KCNA2: variants seen among roughly 807,000 people sequenced by gnomAD.
KCNA2 encodes the protein potassium channel, voltage gated shaker related subfamily A, member 2.
A neutral mutation model predicts 33.4 loss-of-function variants in KCNA2; 11 were observed. That is an observed-to-expected ratio of 0.33 (90% confidence interval 0.21 to 0.55). The LOEUF (loss-of-function observed/expected upper bound fraction) is 0.55, where lower values mean the gene tolerates loss of function less well. Ranked by LOEUF, KCNA2 falls within the 20% of genes least tolerant of loss-of-function variation. The pLI is 0.93. For synonymous variants in KCNA2, 222 were observed against 231.3 expected (o/e 0.96, Z 0.37); for missense variants, 291 against 621.6 (o/e 0.47, Z 5.66).
rs1237410830 is a variant in KCNA2, at chr1:110,596,736, C to G, written c.*6547G>C. The G allele has an allele frequency of 1.0e-6, 1 of 985,302 alleles. No individual in the cohort carries two copies. The highest frequency in any genetic ancestry group is 6.1e-5 in the Admixed American group (1 of 16,272). The allele number at this position is 985,302 out of a possible 1,614,324, so 61.0% of individuals were successfully genotyped here. On this transcript the variant is annotated 3_prime_UTR_variant, in exon 3 of 3. Coordinates refer to ENST00000316361, the MANE Select transcript of KCNA2 (RefSeq NM_004974.4). ...ACAAAGGTTGAACCAGACATGCTTTCCCATTCCCACTCAAATAACCAAAAT... is the reference window on the plus strand; with the variant it reads ...ACAAAGGTTGAACCAGACATGCTTTGCCATTCCCACTCAAATAACCAAAAT...
Position 110,602,227 on chromosome 1 carries a change from CA to C in KCNA2, c.*1055del. The stretch of plus-strand genomic sequence containing the variant: ...GGGGCCAGAAGTTTTAGTTCCATTC[CA>C]AATAGTCTATTTTTTTTCCCCTGAT... On this transcript the variant is annotated 3_prime_UTR_variant, in exon 3 of 3. Coordinates refer to ENST00000316361, the MANE Select transcript of KCNA2 (RefSeq NM_004974.4). The C allele has an allele frequency of 6.5e-7, 1 of 1,541,442 alleles. No individual in the cohort carries two copies. The highest frequency in any genetic ancestry group is 1.2e-5 in the South Asian group (1 of 83,216).
chr1:110,608,993 G>A (rs1283551352), upstream of KCNA2, among the ~76,000 whole-genome samples: 1 of 152,138 alleles, frequency 6.6e-6, no homozygotes, highest in East Asian at 1.9e-4. Flanking sequence ...CCAATCACCA[G>A]GTCCTTGTTG....
chr1:110,610,670 G>A (rs1430958121), upstream of KCNA2, among the ~76,000 whole-genome samples: 1 of 152,188 alleles, frequency 6.6e-6, no homozygotes, highest in Non-Finnish European at 1.5e-5. Context: ...TTTACTGTTA[G>A]CTCAGTGCCA....
chr1:110,595,027 G>A lies in KCNA2; in HGVS notation c.*8256C>T, dbSNP rs915386513. 1 of 985,230 alleles carries A rather than the reference G, an allele frequency of 1.0e-6. No homozygotes were observed. The highest frequency in any genetic ancestry group is 1.2e-6 in the Non-Finnish European group (1 of 829,924). 61.0% of individuals were successfully genotyped at this position (985,230 alleles called of 1,614,324 possible). A position where few individuals can be genotyped will look rare whatever the true frequency, so the allele number is the denominator to read the frequency against. On this transcript the variant is annotated 3_prime_UTR_variant, in exon 3 of 3. Transcript: ENST00000316361. ...CACTCATACAAACAAGGCATTCGGTGTCTAGGGAATCATTTTCAAGGAGAA... is the reference window on the plus strand; with the variant it reads ...CACTCATACAAACAAGGCATTCGGTATCTAGGGAATCATTTTCAAGGAGAA...
At chr1:110,612,732 C>T (rs1337183897) in intron 1 of KCNA2, among the ~76,000 whole-genome samples, 1 of 152,230 alleles carries the variant, frequency 6.6e-6, no homozygotes, top group Non-Finnish European at 1.5e-5. Context: ...TTGCTAGGAT[C>T]AACCTGCATT....
chr1:110,607,028 C>T (rs142087456), upstream of KCNA2, among the ~76,000 whole-genome samples: 2 of 152,124 alleles, frequency 1.3e-5, no homozygotes, highest in South Asian at 2.1e-4. Flanking sequence ...GTCCCGAGCC[C>T]ATTCTGTGCA....
At position 110,601,385 on chromosome 1, in the gene KCNA2, G is replaced by T. The variant is rs12047887; in HGVS notation, c.*1898C>A. 1 of 985,078 alleles carries T rather than the reference G, an allele frequency of 1.0e-6. No individual in the cohort carries two copies. Among genetic ancestry groups the T allele is most frequent in the Admixed American group, 6.1e-5 (1 of 16,268 alleles). The allele number at this position is 985,078 out of a possible 1,614,324, so 61.0% of individuals were successfully genotyped here. On this transcript the variant is annotated 3_prime_UTR_variant, in exon 3 of 3. Coordinates refer to ENST00000316361, the MANE Select transcript of KCNA2 (RefSeq NM_004974.4). ...AGGGGATCCATTCTGGCTCTTTAGC[G>T]AAAGGTTTGTGAAAGTGACGGATGC... is the stretch of plus-strand genomic sequence containing the variant.
chr1:110,599,056 T>C lies in KCNA2; in HGVS notation c.*4227A>G, dbSNP rs942282687. The C allele has an allele frequency of 2.0e-6, 2 of 985,394 alleles. No individual in the cohort carries two copies. Among genetic ancestry groups the C allele is most frequent in the Non-Finnish European group, 1.2e-6 (1 of 829,910 alleles). The allele number at this position is 985,394 out of a possible 1,614,324, so 61.0% of individuals were successfully genotyped here. On this transcript the variant is annotated 3_prime_UTR_variant, in exon 3 of 3. Transcript: ENST00000316361. ...AAAGCACACGTTTTGGACCCATATG[T>C]CCACTCCCTACTGTTGTTACCTTTT...
rs1185193860 is a variant in KCNA2, at chr1:110,594,236, G to C, written c.*9047C>G. 9.3e-7 allele frequency: 1 copy of C among 1,079,236 alleles called. No homozygotes were observed. The highest frequency in any genetic ancestry group is 1.1e-6 in the Non-Finnish European group (1 of 890,540). 66.9% of individuals were successfully genotyped at this position (1,079,236 alleles called of 1,614,324 possible). ...AGGAAGCCAGTGCAAACCCTAACTG[G>C]AGTCTGTGCTGCATGAGCCTAAGTG... On this transcript the variant is annotated 3_prime_UTR_variant, in exon 3 of 3. Coordinates refer to ENST00000316361, the MANE Select transcript of KCNA2 (RefSeq NM_004974.4).
At chr1:110,612,417 C>T (rs1649905229) in intron 1 of KCNA2, among the ~76,000 whole-genome samples, 1 of 152,204 alleles carries the variant, frequency 6.6e-6, no homozygotes. Flanking sequence ...ACAACATTCA[C>T]CCAGTTGCCC....
At chr1:110,630,191 AT>A (rs377079591) in intron 1 of KCNA2, among the ~76,000 whole-genome samples, 139 of 150,338 alleles carry the variant, frequency 9.2e-4, no homozygotes, top group African/African-American at 3.4e-3. Context: ...AATTTTTGTA[AT>A]TTTTTTTTAG....
Position 110,600,082 on chromosome 1 carries a change from G to A in KCNA2, c.*3201C>T. 1 of 985,066 alleles carries A rather than the reference G, an allele frequency of 1.0e-6. No homozygotes were observed. 61.0% of individuals were successfully genotyped at this position (985,066 alleles called of 1,614,324 possible). ...GAATAGAGAAAGAGATTCCTTGAAA[G>A]ATCCTGGGGGATATAGACACAGGCC... On this transcript the variant is annotated 3_prime_UTR_variant, in exon 3 of 3. Transcript: ENST00000316361.
intron 1 of KCNA2, among the ~76,000 whole-genome samples, chr1:110,616,551 GA>G (rs1459125736): frequency 6.6e-6 from 1 of 152,126 alleles, no homozygotes; most frequent in East Asian, 1.9e-4. Flanking sequence ...GGTTCCTAAG[GA>G]AAAAACAACA....
At position 110,593,817 on chromosome 1, in the gene KCNA2, C is replaced by T. The variant is rs1648968781; in HGVS notation, c.*9466G>A. The T allele has an allele frequency of 3.9e-6, 6 of 1,535,836 alleles. No homozygotes were observed. Among genetic ancestry groups the T allele is most frequent in the Non-Finnish European group, 5.3e-6 (6 of 1,137,032 alleles). On this transcript the variant is annotated 3_prime_UTR_variant, in exon 3 of 3. Transcript: ENST00000316361. ...CAGACCCTACTGACACAGGAACTCT[C>T]AGCTGCAGAAGTCCTGGGTGGGGCA...
chr1:110,625,166 C>T (rs193241616), intron 1 of KCNA2, among the ~76,000 whole-genome samples: 1 of 152,320 alleles, frequency 6.6e-6, no homozygotes, highest in East Asian at 1.9e-4. Flanking sequence ...GTCAGCTTCC[C>T]CTTCAATCTT....
At chr1:110,617,507 C>T (rs571501371) in intron 1 of KCNA2, among the ~76,000 whole-genome samples, 5 of 152,142 alleles carry the variant, frequency 3.3e-5, no homozygotes, top group Non-Finnish European at 5.9e-5. Flanking sequence ...AGAAAGATAA[C>T]TTGGGAAATG....
intron 1 of KCNA2, among the ~76,000 whole-genome samples, chr1:110,621,469 C>T (rs1650256895): frequency 6.6e-6 from 1 of 151,804 alleles, no homozygotes; most frequent in East Asian, 1.9e-4. Context: ...GCAAGTGAAA[C>T]CCAAAATGAG....
chr1:110,620,085 A>AGAGAGAGAGAGAGAGT (rs1557739421), intron 1 of KCNA2, among the ~76,000 whole-genome samples: 1 of 140,958 alleles, frequency 7.1e-6, no homozygotes, highest in East Asian at 2.1e-4. Flanking sequence ...AGAGAGAGAG[A>AGAGAGAGAGAGAGAGT]GAGTGAGTGA....
chr1:110,618,446 G>A (rs911229628), intron 1 of KCNA2, among the ~76,000 whole-genome samples: 16 of 152,150 alleles, frequency 1.1e-4, no homozygotes, highest in African/African-American at 3.9e-4. Flanking sequence ...GTGTGGCCCT[G>A]GAATGTGGCT....
Sources: gnomAD v4.1 joint callset for allele counts (sites outside exome capture counted in the v4.1 genomes callset) on GRCh38, gnomAD v4.1.1 for gene constraint, MANE v1.5 for transcripts, NCBI Gene and HGNC (gene_info 2026-07-23, HGNC 2026-07-21) for gene names.